NXPE1: variants seen among roughly 807,000 people sequenced by gnomAD.
NXPE1 encodes the protein NXPE family member 1.
NXPE1 carries 31 observed loss-of-function variants against 33.3 expected under a neutral mutation model. The ratio of observed to expected loss-of-function variants is 0.93; its 90% CI spans 0.70 to 1.26. The LOEUF is 1.26. Ranked by LOEUF, NXPE1 falls within the 50% of genes most tolerant of loss-of-function variation. NXPE1 has a pLI of 0.00. For missense variants in NXPE1, 661 were observed against 655.6 expected, an observed-to-expected ratio of 1.01 and a Z score of -0.09; for synonymous variants, 229 against 231.4, an observed-to-expected ratio of 0.99 and a Z score of 0.09.
At chr11:114,540,425 C>G (rs1948049230) in intron 5 of NXPE1, among the ~76,000 whole-genome samples, 1 of 152,040 alleles carries the variant, frequency 6.6e-6, no homozygotes, top group South Asian at 2.1e-4. Flanking sequence ...AAAATAAATA[C>G]AAACACTAAC....
chr11:114,533,839 T>C (rs2134987103), intron 5 of NXPE1, among the ~76,000 whole-genome samples: 1 of 152,326 alleles, frequency 6.6e-6, no homozygotes, highest in African/African-American at 2.4e-5. Flanking sequence ...TGCCTGCCTC[T>C]TTAGGCTCCA....
intron 8 of NXPE1, 37 bp downstream of exon 8, chr11:114,522,842 G>T: frequency 1.4e-6 from 2 of 1,472,528 alleles, no homozygotes; most frequent in Non-Finnish European, 1.9e-6. Flanking sequence ...TTTAAAACCA[G>T]CCTGAATTTC....
chr11:114,519,132 A>C (rs933935418), downstream of NXPE1, among the ~76,000 whole-genome samples: 2 of 152,226 alleles, frequency 1.3e-5, no homozygotes, highest in Non-Finnish European at 1.5e-5. Flanking sequence ...CACACGTTTT[A>C]TGAGCCTTTT....
chr11:114,530,244 A>G, exon 6 of NXPE1: 1 of 1,614,124 alleles, frequency 6.2e-7, no homozygotes, highest in South Asian at 1.1e-5. Flanking sequence ...CATGTAGGTC[A>G]GAGCCTCACA....
At chr11:114,522,056 A>G in exon 9 of NXPE1, 1 of 1,613,604 alleles carries the variant, frequency 6.2e-7, no homozygotes, top group Non-Finnish European at 8.5e-7. Flanking sequence ...TGCAATGGTC[A>G]TGTCCCAGGC....
At chr11:114,555,545 T>G (rs1220362228) in intron 1 of NXPE1, among the ~76,000 whole-genome samples, 2 of 152,160 alleles carry the variant, frequency 1.3e-5, no homozygotes. Flanking sequence ...GCATTTTAAG[T>G]GCACTGTTTT....
At chr11:114,555,739 G>A (rs1276686301) in intron 1 of NXPE1, among the ~76,000 whole-genome samples, 1 of 152,144 alleles carries the variant, frequency 6.6e-6, no homozygotes, top group Non-Finnish European at 1.5e-5. Context: ...CTACAGATGA[G>A]ATTTCTTTTT....
intron 5 of NXPE1, among the ~76,000 whole-genome samples, chr11:114,535,376 A>C (rs540452804): frequency 6.6e-6 from 1 of 152,332 alleles, no homozygotes; most frequent in East Asian, 1.9e-4. Context: ...ACATCAACTA[A>C]CGAGCAAAAT....
chr11:114,554,295 G>C (rs1948599101), intron 1 of NXPE1: 1 of 981,028 alleles, frequency 1.0e-6, no homozygotes, highest in South Asian at 4.7e-5. Context: ...TATGTAAGCA[G>C]AGGCCATGTG....
intron 7 of NXPE1, among the ~76,000 whole-genome samples, chr11:114,525,922 T>C (rs147131047): frequency 1.4e-3 from 209 of 152,360 alleles, no homozygotes; most frequent in African/African-American, 4.6e-3. Flanking sequence ...TGGTCTCTCC[T>C]GTCCCTTAAT....
intron 5 of NXPE1, among the ~76,000 whole-genome samples, chr11:114,541,804 C>T (rs766461689): frequency 1.3e-5 from 2 of 152,070 alleles, no homozygotes; most frequent in Admixed American, 6.5e-5. Flanking sequence ...TCAGAAAGAA[C>T]CAAACAAATT....
intron 4 of NXPE1, 65 bp from the exon 5 acceptor site, chr11:114,551,276 T>C: frequency 7.6e-7 from 1 of 1,319,848 alleles, no homozygotes; most frequent in South Asian, 1.4e-5. Context: ...CTCATTATTT[T>C]ATTTATAACT....
chr11:114,546,057 AGT>A (rs1948271718), intron 5 of NXPE1, among the ~76,000 whole-genome samples: 1 of 152,208 alleles, frequency 6.6e-6, no homozygotes, highest in Non-Finnish European at 1.5e-5. Flanking sequence ...GGTAGAACAC[AGT>A]GTTTTAACTG....
At chr11:114,520,181 T>A (rs1459732827), downstream of NXPE1, among the ~76,000 whole-genome samples, 3 of 152,142 alleles carry the variant, frequency 2.0e-5, no homozygotes, top group African/African-American at 7.2e-5. Context: ...TTAACTATAG[T>A]TCTCATGCTG....
At chr11:114,520,082 G>A (rs12802613), downstream of NXPE1, among the ~76,000 whole-genome samples, 2,012 of 152,170 alleles carry the variant, frequency 0.013, 22 homozygotes, top group South Asian at 0.031. Flanking sequence ...CATTACAGGC[G>A]TAAGCCACCG....
In NXPE1 at chr11:114,554,708, T is replaced by C. The variant is rs147322989; in HGVS notation, c.-210-1828A>G. 9.2e-5 allele frequency among the ~76,000 whole-genome samples: 14 copies of C among 152,378 alleles called. No individual in the cohort carries two copies. In the East Asian group the frequency reaches 2.7e-3, roughly 29 times the overall value. The stretch of plus-strand genomic sequence containing the variant: ...ACAGTACTGTGATATGAAAATAATC[T>C]GTGACTTCAAGTCGCTAAGCCACAG... On this transcript the variant is annotated intron_variant, in intron 1 of 8. Transcript: ENST00000534921.
chr11:114,551,418 T>A, exon 4 of NXPE1: 1 of 1,320,862 alleles, frequency 7.6e-7, no homozygotes, highest in Non-Finnish European at 9.6e-7. Flanking sequence ...TCACTCAGGA[T>A]TGTTGCTTCC....
At chr11:114,554,983 C>T (rs1948614506) in intron 1 of NXPE1, among the ~76,000 whole-genome samples, 1 of 151,886 alleles carries the variant, frequency 6.6e-6, no homozygotes, top group South Asian at 2.1e-4. Flanking sequence ...TAGATAGTTA[C>T]ATGAGACATA....
chr11:114,528,278 TCA>T (rs1947442592), intron 6 of NXPE1, among the ~76,000 whole-genome samples: 1 of 152,188 alleles, frequency 6.6e-6, no homozygotes, highest in African/African-American at 2.4e-5. Flanking sequence ...CATGCAAGTC[TCA>T]GTTTTATCCC....
Sources: allele counts gnomAD v4.1 joint callset (sites outside exome capture counted in the v4.1 genomes callset), GRCh38; gene constraint gnomAD v4.1.1; transcripts MANE v1.5; gene names NCBI Gene and HGNC (gene_info 2026-07-23, HGNC 2026-07-21).